Variants in MIX23 observed in about 807,000 individuals in gnomAD.
The protein encoded by MIX23 is mitochondrial matrix import factor 23.
MIX23 carries 13 observed loss-of-function variants against 21.6 expected under a neutral mutation model. That is an observed-to-expected ratio of 0.60 (90% CI 0.39 to 0.96). The LOEUF (loss-of-function observed/expected upper bound fraction) is 0.96. MIX23 is among the 40% of genes least tolerant of loss of function. The pLI, the probability that MIX23 is intolerant of heterozygous loss-of-function variation, is 0.00. For synonymous variants in MIX23, 59 were observed against 58.0 expected, an observed-to-expected ratio of 1.02 and a Z score of -0.08; for missense variants, 144 against 171.2, an observed-to-expected ratio of 0.84 and a Z score of 0.89.
chr3:122,362,584 C>T (rs962422519), intron 4 of MIX23, among the ~76,000 whole-genome samples: 1 of 151,744 alleles, frequency 6.6e-6, no homozygotes, highest in Non-Finnish European at 1.5e-5. Context: ...TGGGTTCGAG[C>T]GATTCTCCTG....
At chr3:122,367,143 GAGA>G (rs2075403068) in intron 3 of MIX23, among the ~76,000 whole-genome samples, 2 of 151,888 alleles carry the variant, frequency 1.3e-5, no homozygotes, top group African/African-American at 2.4e-5. Flanking sequence ...GAAGGATGAA[GAGA>G]AGGAGAGAGG....
chr3:122,381,775 TCTC>T (rs1235989346), intron 1 of MIX23, among the ~76,000 whole-genome samples: 1 of 150,528 alleles, frequency 6.6e-6, no homozygotes, highest in Non-Finnish European at 1.5e-5. Context: ...CAGAGATCCT[TCTC>T]CTTCCAGGTG....
intron 3 of MIX23, among the ~76,000 whole-genome samples, chr3:122,366,211 T>C: frequency 9.4e-6 from 1 of 105,854 alleles, no homozygotes; most frequent in South Asian, 3.4e-4. Context: ...AATAAATAAA[T>C]AAATAAATAA....
intron 1 of MIX23, chr3:122,373,129 C>A: frequency 3.0e-6 from 1 of 329,336 alleles, no homozygotes; most frequent in Non-Finnish European, 5.9e-6. Flanking sequence ...TAACCATTAT[C>A]AACATTTTAA....
intron 1 of MIX23, among the ~76,000 whole-genome samples, chr3:122,381,285 G>C (rs922731524): frequency 6.6e-6 from 1 of 152,114 alleles, no homozygotes; most frequent in African/African-American, 2.4e-5. Flanking sequence ...ATCTGTTACG[G>C]GTTGAATTGT....
intron 4 of MIX23, among the ~76,000 whole-genome samples, chr3:122,362,701 A>G (rs1454019776): frequency 6.6e-6 from 1 of 152,008 alleles, no homozygotes; most frequent in Non-Finnish European, 1.5e-5. Flanking sequence ...TGGCCTCCCA[A>G]AGTGTTGGGA....
intron 1 of MIX23, among the ~76,000 whole-genome samples, chr3:122,379,313 G>C (rs539027749): frequency 2.6e-5 from 4 of 152,304 alleles, no homozygotes; most frequent in Admixed American, 6.5e-5. Flanking sequence ...TAGCCCCTCA[G>C]TGTTTTTGTG....
intron 1 of MIX23, among the ~76,000 whole-genome samples, chr3:122,375,664 A>G (rs1175488952): frequency 6.6e-6 from 1 of 152,182 alleles, no homozygotes; most frequent in Non-Finnish European, 1.5e-5. Context: ...AATCTTGTAT[A>G]ATAAAACTTT....
In MIX23 at chr3:122,363,034, GA is replaced by G. The variant is rs753109777; in HGVS notation, c.325-8del. Reference sequence around the variant, plus strand: ...CTGACTGCATCCATTTCAACTGCAAGAAAAAAAAAAATTGAAGTTATAAAAT... The same window carrying G: ...CTGACTGCATCCATTTCAACTGCAAGAAAAAAAAAATTGAAGTTATAAAAT... On this transcript the variant is annotated splice_polypyrimidine_tract_variant and splice_region_variant and intron_variant, in intron 3 of 4. Transcript: ENST00000291458. 4.5e-3 allele frequency: 5,700 copies of G among 1,271,736 alleles called. 7 individuals are homozygous for G. The highest frequency in any genetic ancestry group is 0.012 in the African/African-American group (762 of 64,024). The allele number at this position is 1,271,736 out of a possible 1,614,324, so 78.8% of individuals were successfully genotyped here.
At chr3:122,375,705 T>C (rs542805581) in intron 1 of MIX23, among the ~76,000 whole-genome samples, 1 of 152,276 alleles carries the variant, frequency 6.6e-6, no homozygotes, top group East Asian at 1.9e-4. Context: ...CAACAGATAT[T>C]GGTAAGCATG....
intron 1 of MIX23, among the ~76,000 whole-genome samples, chr3:122,382,745 G>A (rs538352241): frequency 2.4e-4 from 36 of 152,272 alleles, no homozygotes; most frequent in African/African-American, 8.2e-4. Flanking sequence ...CACAAAAATA[G>A]TAAATTGCAC....
intron 1 of MIX23, among the ~76,000 whole-genome samples, chr3:122,374,611 C>T (rs554038916): frequency 2.6e-4 from 39 of 151,998 alleles, no homozygotes; most frequent in Non-Finnish European, 4.7e-4. Context: ...CAACTATCTT[C>T]GATCCACGGT....
Position 122,380,201 on chromosome 3 carries a change from T to C in MIX23, c.51+2973A>G, listed in dbSNP as rs372574735. 2.4e-4 allele frequency among the ~76,000 whole-genome samples: 36 copies of C among 152,320 alleles called. No homozygotes were observed. In the East Asian group the frequency reaches 6.7e-3, roughly 29 times the overall value. ...CTCCAAAGAATGATATGGAACTCCC[T>C]TAACCTTTCCTCTCCTCTCCCTTTG... On this transcript the variant is annotated intron_variant, in intron 1 of 4. Transcript: ENST00000291458.
rs560031152 is a variant in MIX23 at position 122,369,809 on chromosome 3, G to A, written c.178-1487C>T. On this transcript the variant is annotated intron_variant, in intron 2 of 4. Transcript: ENST00000291458. The stretch of plus-strand genomic sequence containing the variant: ...CTGTCACTCAGGCTGGACTGTGGTG[G>A]TGTGATCTTGGCTCACTGCAACCTC... Among the ~76,000 whole-genome samples the A allele has an allele frequency of 2.6e-5, 4 of 152,322 alleles. No homozygotes were observed. In the South Asian group the frequency reaches 8.3e-4, roughly 32 times the overall value.
intron 2 of MIX23, 102 bp downstream of exon 2, chr3:122,371,573 T>A: frequency 7.6e-7 from 1 of 1,320,552 alleles, no homozygotes; most frequent in Non-Finnish European, 1.1e-6. Context: ...AAAGAAAAGA[T>A]GTCATTCCTT....
chr3:122,362,585 G>A (rs778021472), intron 4 of MIX23, among the ~76,000 whole-genome samples: 5 of 151,792 alleles, frequency 3.3e-5, no homozygotes, highest in South Asian at 4.2e-4. Flanking sequence ...GGGTTCGAGC[G>A]ATTCTCCTGC....
At chr3:122,365,167 G>A (rs551867203) in intron 3 of MIX23, among the ~76,000 whole-genome samples, 20 of 152,256 alleles carry the variant, frequency 1.3e-4, no homozygotes, top group African/African-American at 4.8e-4. Flanking sequence ...CAACGAAGGT[G>A]CTTTTTTTGA....
At chr3:122,366,654 T>C (rs1342769445) in intron 3 of MIX23, 1 of 152,026 alleles carries the variant, frequency 6.6e-6, no homozygotes, top group African/African-American at 2.4e-5. Context: ...AATACAAACA[T>C]GAAGTCAGGT....
intron 3 of MIX23, among the ~76,000 whole-genome samples, chr3:122,365,831 G>A (rs555194051): frequency 2.3e-4 from 35 of 152,236 alleles, no homozygotes; most frequent in African/African-American, 7.0e-4. Context: ...CTTCAAGGGC[G>A]TTGAAATACA....
Sources: allele counts gnomAD v4.1 joint callset (sites outside exome capture counted in the v4.1 genomes callset), GRCh38; gene constraint gnomAD v4.1.1; transcripts MANE v1.5; gene names NCBI Gene and HGNC (gene_info 2026-07-23, HGNC 2026-07-21).